PEPD: variants seen among roughly 807,000 people sequenced by gnomAD.
PEPD encodes xaa-Pro dipeptidase.
Under a neutral mutation model 60.7 loss-of-function variants are expected in PEPD, and 53 were observed. The observed-to-expected ratio is 0.87, with a 90% CI of 0.70 to 1.10. The LOEUF (loss-of-function observed/expected upper bound fraction) is 1.10. PEPD is among the 50% of genes least tolerant of loss of function. The pLI is 0.00. For synonymous variants in PEPD, 267 were observed against 284.1 expected (o/e 0.94, Z 0.60); for missense variants, 711 against 711.9 (o/e 1.00, Z 0.01).
chr19:33,411,002 T>C (rs1173316576), intron 11 of PEPD, among the ~76,000 whole-genome samples: 1 of 152,076 alleles, frequency 6.6e-6, no homozygotes, highest in African/African-American at 2.4e-5. Flanking sequence ...GCCCAGCTGC[T>C]CTGCCCTGCA....
At chr19:33,394,368 G>A (rs1418636577) in intron 12 of PEPD, among the ~76,000 whole-genome samples, 2 of 152,254 alleles carry the variant, frequency 1.3e-5, no homozygotes, top group Non-Finnish European at 2.9e-5. Flanking sequence ...CCTTCCCGGG[G>A]GCAGGCCCGG....
At chr19:33,402,784 G>A (rs547287662) in intron 11 of PEPD, among the ~76,000 whole-genome samples, 1 of 152,320 alleles carries the variant, frequency 6.6e-6, no homozygotes, top group East Asian at 1.9e-4. Flanking sequence ...CAGGACGGGA[G>A]GGGCCTGGGG....
intron 8 of PEPD, among the ~76,000 whole-genome samples, 190 bp downstream of exon 8, chr19:33,463,797 G>A (rs1254353103): frequency 6.6e-6 from 1 of 152,224 alleles, no homozygotes; most frequent in Non-Finnish European, 1.5e-5. Flanking sequence ...AATTGGGGCA[G>A]AGCCCCTTCT....
intron 9 of PEPD, among the ~76,000 whole-genome samples, chr19:33,444,396 T>C (rs1363127111): frequency 6.6e-6 from 1 of 151,846 alleles, no homozygotes; most frequent in Non-Finnish European, 1.5e-5. Flanking sequence ...GAGGCTGGGA[T>C]GGAAAAGGCA....
intron 7 of PEPD, among the ~76,000 whole-genome samples, chr19:33,474,101 C>G (rs989512296): frequency 1.3e-5 from 2 of 152,170 alleles, no homozygotes; most frequent in Non-Finnish European, 2.9e-5. Context: ...CAAGCATCTG[C>G]CCCCTGGTTC....
chr19:33,406,961 G>C (rs1307531612), intron 11 of PEPD, among the ~76,000 whole-genome samples: 1 of 152,194 alleles, frequency 6.6e-6, no homozygotes, highest in African/African-American at 2.4e-5. Context: ...CAACACAAAA[G>C]ACCAGGCCCA....
intron 11 of PEPD, among the ~76,000 whole-genome samples, chr19:33,407,328 G>A (rs911900230): frequency 2.0e-5 from 3 of 152,230 alleles, no homozygotes; most frequent in African/African-American, 7.2e-5. Flanking sequence ...TCCCAGAATC[G>A]TGGACCATGC....
intron 9 of PEPD, among the ~76,000 whole-genome samples, chr19:33,437,821 T>C (rs939600083): frequency 6.6e-6 from 1 of 152,164 alleles, no homozygotes; most frequent in African/African-American, 2.4e-5. Context: ...GCCCCGACCG[T>C]GCAGTTCAGG....
chr19:33,482,151 C>T (rs913106539), intron 6 of PEPD, among the ~76,000 whole-genome samples: 3 of 152,168 alleles, frequency 2.0e-5, no homozygotes, highest in Non-Finnish European at 2.9e-5. Flanking sequence ...AAATTACACA[C>T]CCAAATTCCT....
chr19:33,505,204 C>T (rs1399784268), intron 3 of PEPD, among the ~76,000 whole-genome samples: 1 of 152,174 alleles, frequency 6.6e-6, no homozygotes, highest in African/African-American at 2.4e-5. Flanking sequence ...TTCCCGCGGC[C>T]CGGCCTGCCT....
chr19:33,516,349 C>T (rs763755487), intron 1 of PEPD, among the ~76,000 whole-genome samples: 1 of 152,092 alleles, frequency 6.6e-6, no homozygotes, highest in Non-Finnish European at 1.5e-5. Flanking sequence ...CATTATCATC[C>T]CCAGGTCCCA....
chr19:33,429,191 G>A (rs1969218839), intron 9 of PEPD, among the ~76,000 whole-genome samples: 1 of 152,154 alleles, frequency 6.6e-6, no homozygotes. Flanking sequence ...CTGCATCCCT[G>A]CTGGAGGAGA....
intron 1 of PEPD, among the ~76,000 whole-genome samples, chr19:33,515,332 C>A (rs1338661870): frequency 1.3e-5 from 2 of 152,130 alleles, no homozygotes; most frequent in African/African-American, 4.8e-5. Flanking sequence ...GCCCGCTCCC[C>A]CACGTGCCCT....
intron 2 of PEPD, among the ~76,000 whole-genome samples, chr19:33,512,148 A>T (rs1341539877): frequency 6.6e-6 from 1 of 152,126 alleles, no homozygotes; most frequent in Non-Finnish European, 1.5e-5. Flanking sequence ...CAGCGGGGAG[A>T]AAACAGCACT....
intron 4 of PEPD, 168 bp from the exon 5 acceptor site, chr19:33,493,505 G>C (rs1401979956): frequency 1.4e-6 from 1 of 696,614 alleles, no homozygotes; most frequent in Non-Finnish European, 2.7e-6. Flanking sequence ...AGCTTCCCCT[G>C]GTTGAAGGAC....
chr19:33,453,128 A>T (rs549524228), intron 9 of PEPD, among the ~76,000 whole-genome samples: 10 of 152,088 alleles, frequency 6.6e-5, no homozygotes, highest in African/African-American at 2.4e-5. Context: ...TGGAGAGGCA[A>T]TATAATGAGA....
Position 33,387,009 on chromosome 19 carries a change from A to AGTAAC in PEPD, c.*334_*335insGTTAC. ...TTCTGCATATTGATTTTTGACAGAA[A>AGTAAC]GTATCAGAAATGCTTCTTTCCTGGG... On this transcript the variant is annotated 3_prime_UTR_variant, in exon 15 of 15. Coordinates refer to ENST00000244137, the MANE Select transcript of PEPD (RefSeq NM_000285.4). 1 of 346,872 alleles carries AGTAAC rather than the reference A, an allele frequency of 2.9e-6. No homozygotes were observed. 21.5% of individuals were successfully genotyped at this position (346,872 alleles called of 1,614,324 possible).
intron 12 of PEPD, among the ~76,000 whole-genome samples, chr19:33,398,706 C>G (rs1485612442): frequency 6.6e-6 from 1 of 152,244 alleles, no homozygotes; most frequent in Non-Finnish European, 1.5e-5. Context: ...CGCCCCTGGG[C>G]GACTGCTTCG....
intron 9 of PEPD, among the ~76,000 whole-genome samples, chr19:33,462,161 G>A (rs1240108255): frequency 1.3e-5 from 2 of 152,238 alleles, no homozygotes; most frequent in African/African-American, 4.8e-5. Context: ...AACAGAGCAG[G>A]CCCTGAGGAC....
Sources: gnomAD v4.1 joint callset for allele counts (sites outside exome capture counted in the v4.1 genomes callset) on GRCh38, gnomAD v4.1.1 for gene constraint, MANE v1.5 for transcripts, NCBI Gene and HGNC (gene_info 2026-07-23, HGNC 2026-07-21) for gene names.